The following MUSK variants were observed in gnomAD, a reference collection of about 807,000 sequenced individuals.
The protein encoded by MUSK is muscle, skeletal receptor tyrosine-protein kinase.
A neutral mutation model predicts 88.7 loss-of-function variants in MUSK; 55 were observed. The ratio of observed to expected loss-of-function variants is 0.62; its 90% CI spans 0.50 to 0.78. The LOEUF is 0.78. Ranked by LOEUF, MUSK falls within the 30% of genes least tolerant of loss-of-function variation. The pLI, the probability that MUSK is intolerant of heterozygous loss-of-function variation, is 0.00. For synonymous variants in MUSK, 387 were observed against 391.9 expected, an observed-to-expected ratio of 0.99 and a Z score of 0.15; for missense variants, 1,015 against 1,074.3, an observed-to-expected ratio of 0.94 and a Z score of 0.77.
chr9:110,675,178 G>C (rs1350878125), intron 1 of MUSK, among the ~76,000 whole-genome samples: 2 of 150,134 alleles, frequency 1.3e-5, no homozygotes, highest in Non-Finnish European at 2.9e-5. Flanking sequence ...AAGTGATGGA[G>C]CTGGGATGTG....
In MUSK at chr9:110,680,523, A is replaced by G. The variant is rs568046886; in HGVS notation, c.80-2151A>G. The stretch of plus-strand genomic sequence containing the variant: ...TTCAGCCTCCCACATAGCTGGGACT[A>G]CAGGTGTGCACCACCATGTCCAGCT... On this transcript the variant is annotated intron_variant, in intron 1 of 14. Transcript: ENST00000374448. Among the ~76,000 whole-genome samples, 6 of 151,704 alleles carry G rather than the reference A, an allele frequency of 4.0e-5. No homozygotes were observed. In the East Asian group the frequency reaches 1.2e-3, roughly 30 times the overall value.
chr9:110,752,615 C>T (rs1048617633), intron 7 of MUSK, among the ~76,000 whole-genome samples: 3 of 152,236 alleles, frequency 2.0e-5, no homozygotes, highest in Admixed American at 2.0e-4. Context: ...ACAGCCCCCT[C>T]TGTCATGTTC....
Position 110,800,352 on chromosome 9 carries a change from G to A in MUSK, c.1974G>A (p.Met658Ile). ...CAATGTGCCTGCTCTTTGAATACAT[G>A]GCCTATGGTGACCTCAATGAGTTCC... Reference protein sequence around the residue: ...GKPMCLLFEYMAYGDLNEFLR... With the variant: ...GKPMCLLFEYIAYGDLNEFLR... The change falls in exon 15 of 15, where the codon ATG becomes ATA. Residue 658 changes from methionine (M) to isoleucine (I), a missense_variant. Coordinates refer to ENST00000374448, the MANE Select transcript of MUSK (RefSeq NM_005592.4). 1.9e-6 allele frequency: 3 copies of A among 1,613,596 alleles called. No homozygotes were observed. The highest frequency in any genetic ancestry group is 1.7e-6 in the Non-Finnish European group (2 of 1,179,720).
At chr9:110,683,571 G>T (rs1484557934) in intron 2 of MUSK, among the ~76,000 whole-genome samples, 1 of 152,030 alleles carries the variant, frequency 6.6e-6, no homozygotes, top group Non-Finnish European at 1.5e-5. Context: ...TCTCCATAGT[G>T]GTTGTACCAA....
At chr9:110,767,541 T>A (rs1369290436) in intron 8 of MUSK, among the ~76,000 whole-genome samples, 2 of 152,178 alleles carry the variant, frequency 1.3e-5, no homozygotes, top group Admixed American at 1.3e-4. Flanking sequence ...ATGTAAAATA[T>A]TAAAAATACC....
chr9:110,788,496 G>C (rs2077912343), intron 14 of MUSK, among the ~76,000 whole-genome samples: 2 of 151,900 alleles, frequency 1.3e-5, no homozygotes. Context: ...GCTGGGTGTG[G>C]TGGTGTGGGC....
At chr9:110,739,851 T>G (rs2131854076) in intron 6 of MUSK, among the ~76,000 whole-genome samples, 1 of 152,290 alleles carries the variant, frequency 6.6e-6, no homozygotes, top group African/African-American at 2.4e-5. Context: ...CCCAAACCTT[T>G]ATAACTCATC....
rs537583869 is a variant in MUSK at position 110,695,959 on chromosome 9, C to T, written c.486+429C>T. ...ATGAGATCTCTGGAGAGAAGTTAGGCGAAAAGACTCAAGACTCATACACAA... is the reference window on the plus strand; with the variant it reads ...ATGAGATCTCTGGAGAGAAGTTAGGTGAAAAGACTCAAGACTCATACACAA... On this transcript the variant is annotated intron_variant, in intron 4 of 14. Coordinates refer to ENST00000374448, the MANE Select transcript of MUSK (RefSeq NM_005592.4). Among the ~76,000 whole-genome samples the T allele has an allele frequency of 1.1e-4, 16 of 151,992 alleles. No individual in the cohort carries two copies. The South Asian group carries it at 2.9e-3, about 28-fold the overall frequency.
intron 6 of MUSK, among the ~76,000 whole-genome samples, chr9:110,742,820 G>A (rs565750272): frequency 4.6e-5 from 7 of 152,292 alleles, no homozygotes; most frequent in African/African-American, 1.2e-4. Flanking sequence ...CAGTTCTTAC[G>A]GTCAGAGAGT....
At chr9:110,797,628 A>G (rs1013804526) in intron 14 of MUSK, among the ~76,000 whole-genome samples, 19 of 152,318 alleles carry the variant, frequency 1.2e-4, no homozygotes, top group African/African-American at 4.3e-4. Flanking sequence ...TTTGTTCAAT[A>G]AATGAATAAA....
At chr9:110,760,547 C>T (rs1288950720) in intron 7 of MUSK, among the ~76,000 whole-genome samples, 2 of 151,578 alleles carry the variant, frequency 1.3e-5, no homozygotes, top group Non-Finnish European at 2.9e-5. Flanking sequence ...ACAACAGACA[C>T]TGGGATCTAC....
At chr9:110,751,879 A>G (rs2077252463) in intron 7 of MUSK, among the ~76,000 whole-genome samples, 1 of 152,222 alleles carries the variant, frequency 6.6e-6, no homozygotes, top group South Asian at 2.1e-4. Flanking sequence ...TTCGGAGTCA[A>G]GTAAAGAAAT....
At chr9:110,708,444 G>A (rs547455525) in intron 5 of MUSK, among the ~76,000 whole-genome samples, 1 of 152,146 alleles carries the variant, frequency 6.6e-6, no homozygotes, top group African/African-American at 2.4e-5. Flanking sequence ...AGTCCTAATT[G>A]TTTGATGCCA....
chr9:110,743,971 T>A (rs1025729755), intron 6 of MUSK, among the ~76,000 whole-genome samples: 14 of 152,132 alleles, frequency 9.2e-5, no homozygotes, highest in African/African-American at 3.1e-4. Flanking sequence ...TTTTTTTTTT[T>A]TTTATTTTTT....
intron 6 of MUSK, among the ~76,000 whole-genome samples, chr9:110,739,561 A>ATC (rs2077071686): frequency 1.3e-5 from 2 of 152,096 alleles, no homozygotes; most frequent in Admixed American, 1.3e-4. Flanking sequence ...ATTGCCCAAA[A>ATC]TCTCAGATAT....
At position 110,697,397 on chromosome 9, in the gene MUSK, C is replaced by T. The variant is rs2076445471; in HGVS notation, c.559C>T (p.Gln187Ter). ...TAACGTACAAAAGGAAGATGCAGGA[C>T]AGTATCGATGTGTGGCAAAAAACAG... The part of the protein sequence containing the change: ...IHNVQKEDAG[Q>*]YRCVAKNSLG... The change falls in exon 5 of 15, where the codon CAG (glutamine) becomes TAG (stop). Residue 187 changes from glutamine (Q) to a stop codon, truncating the protein, a stop_gained. Coordinates refer to ENST00000374448, the MANE Select transcript of MUSK (RefSeq NM_005592.4). LOFTEE classifies it high-confidence loss of function. 6.2e-7 allele frequency: 1 copy of T among 1,612,932 alleles called. No homozygotes were observed. Among genetic ancestry groups the T allele is most frequent in the Non-Finnish European group, 8.5e-7 (1 of 1,179,300 alleles).
chr9:110,733,624 T>C (rs2076992098), intron 5 of MUSK, among the ~76,000 whole-genome samples: 1 of 151,970 alleles, frequency 6.6e-6, no homozygotes, highest in African/African-American at 2.4e-5. Context: ...ACAATTTGTC[T>C]GCCCTCCCAC....
intron 3 of MUSK, among the ~76,000 whole-genome samples, chr9:110,692,721 C>T (rs2076374071): frequency 6.6e-6 from 1 of 151,890 alleles, no homozygotes; most frequent in Non-Finnish European, 1.5e-5. Context: ...CTAAGAATTT[C>T]CTTGATGTCT....
At chr9:110,679,977 T>C (rs1372327996) in intron 1 of MUSK, among the ~76,000 whole-genome samples, 1 of 152,140 alleles carries the variant, frequency 6.6e-6, no homozygotes, top group Non-Finnish European at 1.5e-5. Context: ...AAAATTGCAA[T>C]GGTATTTCAC....
Sources: allele counts gnomAD v4.1 joint callset (sites outside exome capture counted in the v4.1 genomes callset), GRCh38; gene constraint gnomAD v4.1.1; transcripts MANE v1.5; gene names NCBI Gene and HGNC (gene_info 2026-07-23, HGNC 2026-07-21).